INSR: variants seen among roughly 807,000 people sequenced by gnomAD.
The protein encoded by INSR is IR.
Under a neutral mutation model 142.6 loss-of-function variants are expected in INSR, and 67 were observed. That is an observed-to-expected ratio of 0.47 (90% CI 0.39 to 0.58). The LOEUF (loss-of-function observed/expected upper bound fraction) is 0.58. INSR is among the 20% of genes least tolerant of loss of function. The pLI, the probability that INSR is intolerant of heterozygous loss-of-function variation, is 0.00. For synonymous variants in INSR, 756 were observed against 743.1 expected, an observed-to-expected ratio of 1.02 and a Z score of -0.28; for missense variants, 1,248 against 1,833.2, an observed-to-expected ratio of 0.68 and a Z score of 5.83.
chr19:7,218,766 A>G (rs185511465), intron 2 of INSR, among the ~76,000 whole-genome samples: 1 of 151,992 alleles, frequency 6.6e-6, no homozygotes, highest in Admixed American at 6.6e-5. Context: ...CTGGTCTCCA[A>G]CTCCTGACCC....
rs1465727982 is a variant in INSR, at chr19:7,184,648, A to AGAGC, written c.653-12_653-11insGCTC. 4 of 1,492,416 alleles carry AGAGC rather than the reference A, an allele frequency of 2.7e-6. No individual in the cohort carries two copies. The highest frequency in any genetic ancestry group is 3.7e-6 in the Non-Finnish European group (4 of 1,088,546). 92.4% of individuals were successfully genotyped at this position (1,492,416 alleles called of 1,614,324 possible). ...AGATGGTCGGGCAAACTGGAGAGAGAGAGAGAGAGAGAGGGAAATAAATAA... is the reference window on the plus strand; with the variant it reads ...AGATGGTCGGGCAAACTGGAGAGAGAGAGCGAGAGAGAGAGAGGGAAATAAATAA... On this transcript the variant is annotated splice_polypyrimidine_tract_variant and intron_variant, in intron 2 of 21. Coordinates refer to ENST00000302850, the MANE Select transcript of INSR (RefSeq NM_000208.4).
At chr19:7,174,827 T>C in intron 3 of INSR, 96 bp from the exon 4 acceptor site, 2 of 1,253,624 alleles carry the variant, frequency 1.6e-6, no homozygotes, top group South Asian at 1.4e-5. Context: ...TTCTGCCTGA[T>C]ATGGTATTTC....
At chr19:7,142,735 T>G (rs1973101107) in intron 12 of INSR, 81 bp downstream of exon 12, 1 of 1,524,862 alleles carries the variant, frequency 6.6e-7, no homozygotes, top group Non-Finnish European at 9.0e-7. Context: ...AGATATGCAC[T>G]GCTTAGAGGG....
chr19:7,186,849 C>T (rs547947286), intron 2 of INSR, among the ~76,000 whole-genome samples: 25 of 151,534 alleles, frequency 1.6e-4, no homozygotes, highest in Middle Eastern at 3.5e-3. Flanking sequence ...GGATTACAGA[C>T]GCCCACCACC....
At position 7,170,574 on chromosome 19, in the gene INSR, G is replaced by A. The variant is rs144152864; in HGVS notation, c.1446C>T (p.Asn482=). The A allele has an allele frequency of 2.9e-5, 46 of 1,613,380 alleles. No homozygotes were observed. Among genetic ancestry groups the A allele is most frequent in the Admixed American group, 8.3e-5 (5 of 59,952 alleles). ...VSGTKGRQER[N]DIALKTNGDQ... ...CCCCATTGGTCTTCAGGGCAATGTC[G>A]TTTCTCTCCTGGCGCCCCTTGGTTC... is the stretch of plus-strand genomic sequence containing the variant. The change falls in exon 6 of 22, where the codon AAC becomes AAT. Residue 482 remains asparagine, a synonymous_variant. Coordinates refer to ENST00000302850, the MANE Select transcript of INSR (RefSeq NM_000208.4).
chr19:7,286,865 C>G (rs767360033), intron 1 of INSR, among the ~76,000 whole-genome samples: 10 of 151,172 alleles, frequency 6.6e-5, no homozygotes, highest in Non-Finnish European at 1.3e-4. Context: ...TTGTTTGAGA[C>G]AGAGAGAGGA....
chr19:7,153,716 T>C (rs1035110815), intron 9 of INSR, among the ~76,000 whole-genome samples: 7 of 151,720 alleles, frequency 4.6e-5, no homozygotes, highest in African/African-American at 1.5e-4. Flanking sequence ...GAACCCTGTC[T>C]CAAAAGATTA....
At chr19:7,190,493 T>A (rs1974551265) in intron 2 of INSR, among the ~76,000 whole-genome samples, 1 of 149,594 alleles carries the variant, frequency 6.7e-6, no homozygotes, top group Admixed American at 6.7e-5. Flanking sequence ...TGCCTCAGCC[T>A]CCTGAGTAGC....
rs148172441 is a variant in INSR, at chr19:7,226,403, C to T, written c.652+40942G>A. 6.9e-3 allele frequency among the ~76,000 whole-genome samples: 750 copies of T among 108,736 alleles called. 3 individuals carry two copies. The highest frequency in any genetic ancestry group is 0.01 in the Non-Finnish European group (566 of 54,788). 71.3% of individuals were successfully genotyped at this position (108,736 alleles called of 152,430 possible). A position where few individuals can be genotyped will look rare whatever the true frequency, so the allele number is the denominator to read the frequency against. The stretch of plus-strand genomic sequence containing the variant: ...CCAGCCTGGCAACAGAGTGAGACTC[C>T]GTCTCAAGGGAAAAAAAAAAAAAAA... On this transcript the variant is annotated intron_variant, in intron 2 of 21. Transcript: ENST00000302850.
Position 7,116,980 on chromosome 19 carries a change from G to A in INSR, c.*76C>T. The A allele has an allele frequency of 9.1e-7, 1 of 1,100,582 alleles. No individual in the cohort carries two copies. Among genetic ancestry groups the A allele is most frequent in the Middle Eastern group, 2.0e-4 (1 of 5,026 alleles). 68.2% of individuals were successfully genotyped at this position (1,100,582 alleles called of 1,614,324 possible). On this transcript the variant is annotated 3_prime_UTR_variant, in exon 22 of 22. Transcript: ENST00000302850. ...GACATGGTAGAGTCGTGAGAATCCT[G>A]AGTTTTCCAGAGGCTTTCAAACCAG... is the stretch of plus-strand genomic sequence containing the variant.
Position 7,236,875 on chromosome 19 carries a change from A to C in INSR, c.652+30470T>G, listed in dbSNP as rs547180194. ...CCCTGTCTCTACTAAAAATACAAAA[A>C]AATTAGCCAGGCATGGTGGCAGGCG... is the stretch of plus-strand genomic sequence containing the variant. On this transcript the variant is annotated intron_variant, in intron 2 of 21. Coordinates refer to ENST00000302850, the MANE Select transcript of INSR (RefSeq NM_000208.4). Among the ~76,000 whole-genome samples the C allele has an allele frequency of 8.6e-5, 13 of 151,974 alleles. No individual in the cohort carries two copies. The South Asian group carries it at 2.7e-3, about 32-fold the overall frequency.
At chr19:7,191,034 C>T (rs969539780) in intron 2 of INSR, among the ~76,000 whole-genome samples, 5 of 152,136 alleles carry the variant, frequency 3.3e-5, no homozygotes, top group East Asian at 3.9e-4. Context: ...CGGTGGCTCA[C>T]GCCTGTAATC....
At chr19:7,265,533 G>A (rs867572712) in intron 2 of INSR, among the ~76,000 whole-genome samples, 7 of 152,178 alleles carry the variant, frequency 4.6e-5, no homozygotes, top group Non-Finnish European at 8.8e-5. Context: ...CTGAGAGTTC[G>A]AGACCAGCCT....
At chr19:7,208,163 C>G (rs964869301) in intron 2 of INSR, among the ~76,000 whole-genome samples, 2 of 152,072 alleles carry the variant, frequency 1.3e-5, no homozygotes, top group Non-Finnish European at 2.9e-5. Flanking sequence ...CCTCATGCCA[C>G]GTAACTATTC....
intron 2 of INSR, among the ~76,000 whole-genome samples, chr19:7,190,298 T>G (rs1317117758): frequency 2.6e-5 from 4 of 152,056 alleles, no homozygotes; most frequent in Non-Finnish European, 5.9e-5. Flanking sequence ...ACTATACATG[T>G]TTTGGCTTTA....
In INSR at chr19:7,158,967, A is replaced by G. The variant is rs574689240; in HGVS notation, c.2029+4065T>C. On this transcript the variant is annotated intron_variant, in intron 9 of 21. Coordinates refer to ENST00000302850, the MANE Select transcript of INSR (RefSeq NM_000208.4). Reference sequence around the variant, plus strand: ...TGCCAGGCTGGAGTGCAATGGCGTGATCTCGGCTCACTGCAACCTCTGCCT... The same window carrying G: ...TGCCAGGCTGGAGTGCAATGGCGTGGTCTCGGCTCACTGCAACCTCTGCCT... Among the ~76,000 whole-genome samples the G allele has an allele frequency of 2.6e-5, 4 of 152,082 alleles. No homozygotes were observed. The East Asian group carries it at 7.7e-4, about 29-fold the overall frequency.
At chr19:7,265,732 T>A (rs1967704124) in intron 2 of INSR, among the ~76,000 whole-genome samples, 1 of 83,238 alleles carries the variant, frequency 1.2e-5, no homozygotes, top group Admixed American at 1.1e-4. Flanking sequence ...TGAAACTCCA[T>A]CTCAAAAAAA....
At chr19:7,151,532 C>T (rs576397974) in intron 10 of INSR, among the ~76,000 whole-genome samples, 2 of 151,532 alleles carry the variant, frequency 1.3e-5, no homozygotes, top group South Asian at 2.1e-4. Context: ...CTGATTCTCC[C>T]ACTTCGGCCT....
Position 7,267,217 on chromosome 19 carries a change from G to T in INSR, c.652+128C>A. ...AATGTCTGCCACTCCCTGGGCTAGTGAATGCCACCACCCACTATTCCCCGG... is the reference window on the plus strand; with the variant it reads ...AATGTCTGCCACTCCCTGGGCTAGTTAATGCCACCACCCACTATTCCCCGG... On this transcript the variant is annotated intron_variant, in intron 2 of 21. Coordinates refer to ENST00000302850, the MANE Select transcript of INSR (RefSeq NM_000208.4). The surrounding 1 kb of genome is among the most constrained non-coding windows in gnomAD (Gnocchi z 6.3). 2.1e-6 allele frequency: 2 copies of T among 962,126 alleles called. No homozygotes were observed. Among genetic ancestry groups the T allele is most frequent in the Non-Finnish European group, 1.6e-6 (1 of 612,782 alleles). The allele number at this position is 962,126 out of a possible 1,614,324, so 59.6% of individuals were successfully genotyped here.
Sources: allele counts gnomAD v4.1 joint callset (sites outside exome capture counted in the v4.1 genomes callset), GRCh38; gene constraint gnomAD v4.1.1; non-coding constraint Gnocchi (gnomAD v3.1); transcripts MANE v1.5; gene names NCBI Gene and HGNC (gene_info 2026-07-23, HGNC 2026-07-21).